Variants in PIGG observed in about 807,000 individuals in gnomAD.
The protein encoded by PIGG is phosphatidylinositol glycan anchor biosynthesis class G (EMM blood group).
PIGG carries 70 observed loss-of-function variants against 83.2 expected under a neutral mutation model. That is an observed-to-expected ratio of 0.84 (90% CI 0.69 to 1.03). The LOEUF (loss-of-function observed/expected upper bound fraction) is 1.03, where lower values mean the gene tolerates loss of function less well. Among genes scored for constraint, PIGG ranks in the 50% least tolerant of loss-of-function variants. PIGG has a pLI of 0.00. For synonymous variants in PIGG, 532 were observed against 519.5 expected, an observed-to-expected ratio of 1.02 and a Z score of -0.33; for missense variants, 1,257 against 1,233.6, an observed-to-expected ratio of 1.02 and a Z score of -0.28.
intron 12 of PIGG, among the ~76,000 whole-genome samples, chr4:536,060 C>T (rs985682542): frequency 3.9e-5 from 6 of 152,222 alleles, no homozygotes; most frequent in Non-Finnish European, 5.9e-5. Flanking sequence ...AGGAGCCCCT[C>T]GCCGCTCACG....
At position 499,477 on chromosome 4, in the gene PIGG, G is replaced by C. The variant is rs782727885; in HGVS notation, c.142G>C (p.Glu48Gln). The stretch of plus-strand genomic sequence containing the variant: ...ACACGGAGCGGAGCCCCCAGCGCCC[G>C]AACCCTCGGCTGGTACGGACCCCTC... ...AEHGAEPPAP[E>Q]PSAGASSNWT... Residue 48 changes from glutamate (E) to glutamine (Q), a missense_variant, in exon 1 of 13, where the codon GAA becomes CAA. By Grantham distance (29) the Glu-to-Gln change is conservative. Transcript: ENST00000453061. The C allele has an allele frequency of 3.1e-6, 5 of 1,598,438 alleles. No homozygotes were observed. The highest frequency in any genetic ancestry group is 4.2e-6 in the Non-Finnish European group (5 of 1,178,560).
chr4:501,214 T>C (rs1717601512), intron 2 of PIGG: 1 of 452,500 alleles, frequency 2.2e-6, no homozygotes, highest in Non-Finnish European at 4.4e-6. Context: ...GCAACGACTA[T>C]GTGGTGATAC....
intron 12 of PIGG, among the ~76,000 whole-genome samples, chr4:538,814 G>GA (rs1227912819): frequency 6.6e-6 from 1 of 152,194 alleles, no homozygotes; most frequent in Non-Finnish European, 1.5e-5. Flanking sequence ...CTCAAGGTGT[G>GA]TGTGGGGGGG....
chr4:536,406 C>T (rs1017369784), intron 12 of PIGG: 4 of 152,192 alleles, frequency 2.6e-5, no homozygotes, highest in Non-Finnish European at 4.4e-5. Flanking sequence ...GTGGACAGAC[C>T]CCCGTAATTT....
intron 5 of PIGG, among the ~76,000 whole-genome samples, chr4:513,474 G>T (rs571536695): frequency 1.1e-3 from 163 of 152,206 alleles, no homozygotes; most frequent in Non-Finnish European, 2.0e-3. Flanking sequence ...GGCCACTCCA[G>T]AGTCAAGGGG....
At chr4:513,611 CCT>C (rs1184971305) in intron 5 of PIGG, among the ~76,000 whole-genome samples, 4 of 152,112 alleles carry the variant, frequency 2.6e-5, no homozygotes, top group African/African-American at 9.7e-5. Flanking sequence ...GTACCTGGCA[CCT>C]AGTGGATGTT....
intron 5 of PIGG, among the ~76,000 whole-genome samples, chr4:512,175 T>A (rs1198504072): frequency 6.6e-6 from 1 of 152,012 alleles, no homozygotes; most frequent in Admixed American, 6.5e-5. Context: ...TCAAGTCTAT[T>A]GTTAAACCCC....
chr4:539,280 C>T lies in PIGG; in HGVS notation c.2863C>T (p.Leu955Phe), dbSNP rs774450976. The change falls in exon 13 of 13, where the codon CTT (leucine) becomes TTT (phenylalanine). Residue 955 changes from leucine to phenylalanine, a missense_variant. Transcript: ENST00000453061. Reference sequence around the variant, plus strand: ...TATATGGAGTGTATTTTCTCCAAAACTTCTCTACGAGGGAATGCACCTGCT... The same window carrying T: ...TATATGGAGTGTATTTTCTCCAAAATTTCTCTACGAGGGAATGCACCTGCT... ...LFIWSVFSPK[L>F]LYEGMHLLIT... is the part of the protein sequence containing the mutation. The T allele has an allele frequency of 6.2e-7, 1 of 1,613,568 alleles. No homozygotes were observed. The highest frequency in any genetic ancestry group is 8.5e-7 in the Non-Finnish European group (1 of 1,179,468).
chr4:508,536 C>T (rs1332493095), intron 4 of PIGG, among the ~76,000 whole-genome samples: 1 of 152,230 alleles, frequency 6.6e-6, no homozygotes, highest in Non-Finnish European at 1.5e-5. Flanking sequence ...TCCAGAGTCT[C>T]ACAGCTTGGC....
chr4:526,143 A>G (rs1727534195), intron 9 of PIGG, among the ~76,000 whole-genome samples: 1 of 152,232 alleles, frequency 6.6e-6, no homozygotes, highest in South Asian at 2.1e-4. Flanking sequence ...TATAATTTCT[A>G]TGACAGTAAC....
At chr4:527,674 G>C (rs975162878) in intron 10 of PIGG, 1 of 988,406 alleles carries the variant, frequency 1.0e-6, no homozygotes, top group Non-Finnish European at 1.2e-6. Flanking sequence ...AAGCTTGCTG[G>C]AAAATCAGAC....
At position 516,143 on chromosome 4, in the gene PIGG, C is replaced by T. The variant is rs1560313403; in HGVS notation, c.1072C>T (p.Leu358Phe). 6.2e-7 allele frequency: 1 copy of T among 1,613,922 alleles called. No homozygotes were observed. The highest frequency in any genetic ancestry group is 1.7e-5 in the Admixed American group (1 of 60,028). ...LRFLHLNTVQ[L>F]SKLLQENVPS... ...ATTTTTACATTTGAATACAGTGCAG[C>T]TTAGTAAACTGTTGCAAGAGAATGT... Residue 358 changes from leucine to phenylalanine, a missense_variant, in exon 6 of 13, where the codon CTT becomes TTT. Coordinates refer to ENST00000453061, the MANE Select transcript of PIGG (RefSeq NM_001127178.3).
In PIGG at chr4:527,194, G is replaced by A. The variant is rs771001595; in HGVS notation, c.2225G>A (p.Arg742Gln). The A allele has an allele frequency of 3.3e-5, 53 of 1,605,868 alleles. No individual in the cohort carries two copies. The highest frequency in any genetic ancestry group is 3.1e-4 in the African/African-American group (23 of 74,572). ...YCYRAAIGSV[R>Q]FPWRPDSKDI... Reference sequence around the variant, plus strand: ...TACCGGGCGGCCATCGGGAGTGTCCGGTTCCCGTGGCGGCCGGACAGCAAG... The same window carrying A: ...TACCGGGCGGCCATCGGGAGTGTCCAGTTCCCGTGGCGGCCGGACAGCAAG... Residue 742 changes from arginine (R) to glutamine (Q), a missense_variant, in exon 10 of 13, where the codon CGG becomes CAG. Coordinates refer to ENST00000453061, the MANE Select transcript of PIGG (RefSeq NM_001127178.3).
intron 5 of PIGG, among the ~76,000 whole-genome samples, chr4:511,896 C>T (rs1177797295): frequency 2.6e-5 from 4 of 152,184 alleles, no homozygotes; most frequent in African/African-American, 9.6e-5. Flanking sequence ...TTTCTTTCAG[C>T]ACTTTGAATG....
Position 521,254 on chromosome 4 carries a change from G to A in PIGG, c.1313G>A (p.Gly438Glu). 6.2e-7 allele frequency: 1 copy of A among 1,612,990 alleles called. No individual in the cohort carries two copies. Among genetic ancestry groups the A allele is most frequent in the Non-Finnish European group, 8.5e-7 (1 of 1,179,046 alleles). ...TACGACATCTATTCGATGATGGTGG[G>A]GACTGTCGTGGTTTTGGAGGTACAG... ...AQYDIYSMMVGTVVVLEVLTL... is the reference protein window; with the variant it reads ...AQYDIYSMMVETVVVLEVLTL... The change falls in exon 7 of 13, where the codon GGG becomes GAG. Residue 438 changes from glycine to glutamate, a missense_variant. By Grantham distance (98) the Gly-to-Glu change is moderately conservative (BLOSUM62 -2). Transcript: ENST00000453061.
At chr4:534,511 G>A (rs13119658) in intron 12 of PIGG, among the ~76,000 whole-genome samples, 31 of 152,178 alleles carry the variant, frequency 2.0e-4, no homozygotes, top group African/African-American at 7.2e-4. Context: ...GCTGATTTGG[G>A]TTGGAAAAAC....
In PIGG at chr4:515,824, CAGG is replaced by C. The variant is rs1330492939; in HGVS notation, c.902-145_902-143del. On this transcript the variant is annotated intron_variant, in intron 5 of 12. Coordinates refer to ENST00000453061, the MANE Select transcript of PIGG (RefSeq NM_001127178.3). The surrounding 1 kb of genome is among the most constrained non-coding windows in gnomAD (Gnocchi z 4.2). ...TCGGTAACTATCAACACAGCAAGCA[CAGG>C]AGGTGATTCCTGTACGATTCTGTGT... 1 of 662,284 alleles carries C rather than the reference CAGG, an allele frequency of 1.5e-6. No individual in the cohort carries two copies. The highest frequency in any genetic ancestry group is 2.7e-6 in the Non-Finnish European group (1 of 373,366). The allele number at this position is 662,284 out of a possible 1,614,324, so 41.0% of individuals were successfully genotyped here.
intron 8 of PIGG, 174 bp downstream of exon 8, chr4:522,115 G>A (rs1726139222): frequency 1.5e-6 from 1 of 684,540 alleles, no homozygotes; most frequent in Non-Finnish European, 2.6e-6. Context: ...CCTTATCCCA[G>A]GCCTCTGGGT....
chr4:521,095 A>C lies in PIGG; in HGVS notation c.1154A>C (p.His385Pro), dbSNP rs1164812246. The change falls in exon 7 of 13, where the codon CAT (histidine) becomes CCT (proline). Residue 385 changes from histidine to proline, a missense_variant. His to Pro is a moderately conservative substitution (Grantham distance 77). Transcript: ENST00000453061. Reference protein sequence around the residue: ...FEQFKMSERLHGNWIRLYLEE... With the variant: ...FEQFKMSERLPGNWIRLYLEE... ...CAGTTTAAAATGTCAGAAAGATTGC[A>C]TGGGAACTGGATCAGACTGTACTTG... 34 of 1,614,068 alleles carry C rather than the reference A, an allele frequency of 2.1e-5. No homozygotes were observed. The highest frequency in any genetic ancestry group is 5.3e-5 in the African/African-American group (4 of 74,928).
Sources: allele counts gnomAD v4.1 joint callset (sites outside exome capture counted in the v4.1 genomes callset), GRCh38; gene constraint gnomAD v4.1.1; non-coding constraint Gnocchi (gnomAD v3.1); transcripts MANE v1.5; gene names NCBI Gene and HGNC (gene_info 2026-07-23, HGNC 2026-07-21).